The following ELAC1 variants were observed in gnomAD, a reference collection of about 807,000 sequenced individuals.
ELAC1 encodes zinc phosphodiesterase ELAC protein 1.
In ELAC1, 19 loss-of-function variants were observed where a neutral mutation model predicts 25.8. The observed-to-expected ratio is 0.74, with a 90% CI of 0.51 to 1.08. ELAC1 has a LOEUF of 1.08. Among genes scored for constraint, ELAC1 ranks in the 50% least tolerant of loss-of-function variants. The pLI, the probability that ELAC1 is intolerant of heterozygous loss-of-function variation, is 0.00. For missense variants in ELAC1, 403 were observed against 434.6 expected (o/e 0.93, Z 0.65); for synonymous variants, 148 against 160.9 (o/e 0.92, Z 0.61).
intron 3 of ELAC1, among the ~76,000 whole-genome samples, chr18:50,986,309 C>G (rs950634353): frequency 6.6e-6 from 1 of 152,166 alleles, no homozygotes; most frequent in Admixed American, 6.5e-5. Flanking sequence ...CTCTCAAAAA[C>G]TGTTGTTTCT....
intron 2 of ELAC1, among the ~76,000 whole-genome samples, chr18:50,979,893 AT>A (rs962120439): frequency 2.0e-5 from 3 of 151,062 alleles, no homozygotes; most frequent in Admixed American, 2.0e-4. Flanking sequence ...CACCTGGCTA[AT>A]TTTTTTTTGT....
At position 50,974,441 on chromosome 18, in the gene ELAC1, G is replaced by A. The variant is rs1198371933; in HGVS notation, c.37G>A (p.Ala13Thr). 6.3e-7 allele frequency: 1 copy of A among 1,583,686 alleles called. No homozygotes were observed. The highest frequency in any genetic ancestry group is 1.8e-5 in the Admixed American group (1 of 55,604). The change falls in exon 2 of 4, where the codon GCA (alanine) becomes ACA (threonine). Residue 13 changes from alanine to threonine, a missense_variant. Ala to Thr is a moderately conservative substitution (Grantham distance 58, BLOSUM62 0). Coordinates refer to ENST00000269466, the MANE Select transcript of ELAC1 (RefSeq NM_018696.3). ...TGTGACATTCCTGGGGACGGGTGCA[G>A]CATACCCATCTCCAACCCGGGGTGC... ...MDVTFLGTGA[A>T]YPSPTRGASA...
At chr18:50,986,433 C>T (rs1303947890) in intron 3 of ELAC1, among the ~76,000 whole-genome samples, 186 bp from the exon 4 acceptor site, 3 of 152,162 alleles carry the variant, frequency 2.0e-5, no homozygotes, top group African/African-American at 7.2e-5. Flanking sequence ...AGTACTAAGG[C>T]ATTGCTAATA....
chr18:50,977,327 C>T (rs887011736), intron 2 of ELAC1, among the ~76,000 whole-genome samples: 1 of 152,252 alleles, frequency 6.6e-6, no homozygotes, highest in Non-Finnish European at 1.5e-5. Flanking sequence ...CCTGGACATC[C>T]AGATGTTTCC....
chr18:50,977,444 G>C (rs1475207734), intron 2 of ELAC1, among the ~76,000 whole-genome samples: 2 of 152,242 alleles, frequency 1.3e-5, no homozygotes, highest in Admixed American at 6.5e-5. Flanking sequence ...GGGGCTTGCA[G>C]TCTCTGAAGC....
At chr18:50,980,763 G>GAA (rs761954317) in intron 2 of ELAC1, among the ~76,000 whole-genome samples, 13 of 67,776 alleles carry the variant, frequency 1.9e-4, no homozygotes, top group East Asian at 4.4e-4. Context: ...ACTCCATCTC[G>GAA]AAAAAAAAAA....
chr18:50,977,057 C>G (rs1021718189), intron 2 of ELAC1, among the ~76,000 whole-genome samples: 4 of 152,216 alleles, frequency 2.6e-5, no homozygotes, highest in Admixed American at 6.5e-5. Context: ...CAGCTCTACT[C>G]CTGTGGCTTT....
chr18:50,983,308 T>C (rs887189642), intron 2 of ELAC1, among the ~76,000 whole-genome samples: 2 of 151,798 alleles, frequency 1.3e-5, no homozygotes, highest in African/African-American at 4.8e-5. Context: ...ATTACAGGCA[T>C]GCGCCACCAC....
chr18:50,981,797 A>G (rs1429771238), intron 2 of ELAC1, among the ~76,000 whole-genome samples: 1 of 148,418 alleles, frequency 6.7e-6, no homozygotes, highest in Non-Finnish European at 1.5e-5. Context: ...AGATATTGGT[A>G]GTTTTTAGGC....
intron 1 of ELAC1, chr18:50,969,595 A>T (rs1473255093): frequency 6.6e-6 from 1 of 152,244 alleles, no homozygotes; most frequent in East Asian, 1.9e-4. Flanking sequence ...GAAATAATGG[A>T]TCCTGGCAAT....
chr18:50,969,363 C>A (rs1907589037), intron 1 of ELAC1: 1 of 152,168 alleles, frequency 6.6e-6, no homozygotes, highest in Non-Finnish European at 1.5e-5. Context: ...GGTATTTAGA[C>A]CTGCAGACTT....
intron 2 of ELAC1, among the ~76,000 whole-genome samples, chr18:50,977,752 T>C (rs1907832458): frequency 6.6e-6 from 1 of 152,258 alleles, no homozygotes; most frequent in African/African-American, 2.4e-5. Context: ...ATCATCAGGA[T>C]GCAAATTTTC....
At chr18:50,974,373 C>A (rs1285403034) in intron 1 of ELAC1, 24 bp from the exon 2 acceptor site, 2 of 1,503,158 alleles carry the variant, frequency 1.3e-6, no homozygotes, top group East Asian at 2.4e-5. Context: ...ATGAAATAAT[C>A]CCCAGATGAT....
At chr18:50,970,736 TA>T (rs199545694) in intron 1 of ELAC1, among the ~76,000 whole-genome samples, 9 of 150,964 alleles carry the variant, frequency 6.0e-5, no homozygotes, top group African/African-American at 1.5e-4. Context: ...AATATAAATT[TA>T]AAAAAAATAA....
In ELAC1 at chr18:50,984,342, T is replaced by G. The variant is rs1908041963; in HGVS notation, c.404T>G (p.Leu135Arg). The G allele has an allele frequency of 6.2e-7, 1 of 1,614,062 alleles. No homozygotes were observed. The highest frequency in any genetic ancestry group is 1.3e-5 in the African/African-American group (1 of 74,924). ...PTADQCPAEE[L>R]KEFAHVNRAD... ...GCAGATCAATGTCCTGCAGAAGAAC[T>G]AAAAGAATTTGCGCATGTGAATAGA... The change falls in exon 3 of 4, where the codon CTA (leucine) becomes CGA (arginine). Residue 135 changes from leucine to arginine, a missense_variant. Coordinates refer to ENST00000269466, the MANE Select transcript of ELAC1 (RefSeq NM_018696.3).
intron 3 of ELAC1, among the ~76,000 whole-genome samples, chr18:50,985,189 G>A (rs1005823032): frequency 1.3e-5 from 2 of 152,078 alleles, no homozygotes; most frequent in Non-Finnish European, 2.9e-5. Context: ...GTGGTTTTAG[G>A]TCCAGGCTTT....
rs868642252 is a variant in ELAC1 at position 50,981,209 on chromosome 18, A to T, written c.158-2887A>T. On this transcript the variant is annotated intron_variant, in intron 2 of 3. Coordinates refer to ENST00000269466, the MANE Select transcript of ELAC1 (RefSeq NM_018696.3). Reference sequence around the variant, plus strand: ...ATAAGAGCATGATTTTTTAAATGATATAAAAAGTATAAATGCTTATTGTAA... The same window carrying T: ...ATAAGAGCATGATTTTTTAAATGATTTAAAAAGTATAAATGCTTATTGTAA... 3.9e-5 allele frequency among the ~76,000 whole-genome samples: 6 copies of T among 152,128 alleles called. No individual in the cohort carries two copies. In the South Asian group the frequency reaches 6.2e-4, roughly 16 times the overall value.
chr18:50,979,613 C>A (rs1337089187), intron 2 of ELAC1, among the ~76,000 whole-genome samples: 1 of 152,176 alleles, frequency 6.6e-6, no homozygotes, highest in East Asian at 1.9e-4. Context: ...CAAGTCCCAG[C>A]CACACTCAAG....
chr18:50,986,763 T>C lies in ELAC1; in HGVS notation c.770T>C (p.Val257Ala), dbSNP rs572840694. The C allele has an allele frequency of 1.2e-6, 2 of 1,614,148 alleles. No homozygotes were observed. Among genetic ancestry groups the C allele is most frequent in the East Asian group, 4.5e-5 (2 of 44,882 alleles). ...TGCATATTGGGTGACTGCTCTGGGG[T>C]TGTGGGTGATGGAGGAGTAAAACTG... is the stretch of plus-strand genomic sequence containing the variant. ...KICILGDCSG[V>A]VGDGGVKLCF... Residue 257 changes from valine (V) to alanine (A), a missense_variant, in exon 4 of 4, where the codon GTT becomes GCT. Val to Ala is a moderately conservative substitution (Grantham distance 64, BLOSUM62 0). Transcript: ENST00000269466.
Sources: gnomAD v4.1 joint callset for allele counts (sites outside exome capture counted in the v4.1 genomes callset) on GRCh38, gnomAD v4.1.1 for gene constraint, MANE v1.5 for transcripts, NCBI Gene and HGNC (gene_info 2026-07-23, HGNC 2026-07-21) for gene names.